Variants in ADGRL2 observed in about 807,000 individuals in gnomAD.
The protein encoded by ADGRL2 is adhesion G protein-coupled receptor L2.
A neutral mutation model predicts 157.4 loss-of-function variants in ADGRL2; 44 were observed. The ratio of observed to expected loss-of-function variants is 0.28; its 90% CI spans 0.22 to 0.36. The LOEUF (loss-of-function observed/expected upper bound fraction) is 0.36. Among genes scored for constraint, ADGRL2 ranks in the 10% least tolerant of loss-of-function variants. ADGRL2 has a pLI of 1.00. For synonymous variants in ADGRL2, 585 were observed against 624.7 expected, an observed-to-expected ratio of 0.94 and a Z score of 0.95; for missense variants, 1,510 against 1,768.9, an observed-to-expected ratio of 0.85 and a Z score of 2.63.
chr1:81,435,137 A>T (rs746217913), intron 1 of ADGRL2, among the ~76,000 whole-genome samples: 1 of 152,208 alleles, frequency 6.6e-6, no homozygotes, highest in African/African-American at 2.4e-5. Flanking sequence ...TTCCAAACAC[A>T]TTAAAAAATA....
chr1:81,889,854 G>A (rs1327133675), intron 2 of ADGRL2, among the ~76,000 whole-genome samples: 1 of 152,082 alleles, frequency 6.6e-6, no homozygotes, highest in Non-Finnish European at 1.5e-5. Flanking sequence ...AAATCCTTGG[G>A]CCATTAGGAA....
At chr1:81,590,734 A>C (rs1449272561) in intron 3 of ADGRL2, among the ~76,000 whole-genome samples, 2 of 151,872 alleles carry the variant, frequency 1.3e-5, no homozygotes, top group Non-Finnish European at 2.9e-5. Flanking sequence ...TTATTAGTTT[A>C]TTTCTTTCTC....
chr1:81,577,729 C>CA (rs2080824767), intron 2 of ADGRL2, among the ~76,000 whole-genome samples: 1 of 152,100 alleles, frequency 6.6e-6, no homozygotes, highest in South Asian at 2.1e-4. Flanking sequence ...AAGCACTAGG[C>CA]AAAAAATTCA....
intron 1 of ADGRL2, among the ~76,000 whole-genome samples, chr1:81,737,796 C>A (rs1180970637): frequency 6.6e-6 from 1 of 152,198 alleles, no homozygotes; most frequent in Non-Finnish European, 1.5e-5. Context: ...GTCATCCTGG[C>A]AAGTAGAACC....
chr1:81,414,558 G>T (rs551878867), intron 1 of ADGRL2, among the ~76,000 whole-genome samples: 2 of 152,316 alleles, frequency 1.3e-5, no homozygotes, highest in African/African-American at 4.8e-5. Flanking sequence ...AGGGAGGCTG[G>T]AAGGATGGCC....
At chr1:81,311,555 T>C (rs1005487017) in intron 1 of ADGRL2, among the ~76,000 whole-genome samples, 23 of 152,190 alleles carry the variant, frequency 1.5e-4, no homozygotes, top group Non-Finnish European at 2.5e-4. Flanking sequence ...AATATTTGAA[T>C]GGTTGATTGA....
intron 1 of ADGRL2, among the ~76,000 whole-genome samples, chr1:81,405,761 T>G (rs901117383): frequency 5.3e-5 from 8 of 152,126 alleles, no homozygotes; most frequent in African/African-American, 1.9e-4. Flanking sequence ...TTAAAATCAG[T>G]TGAACAGTCT....
At chr1:81,568,789 A>G (rs1007194290) in intron 2 of ADGRL2, among the ~76,000 whole-genome samples, 15 of 152,164 alleles carry the variant, frequency 9.9e-5, no homozygotes, top group African/African-American at 3.1e-4. Flanking sequence ...CCAAAAACTG[A>G]ATTATTCAAT....
chr1:81,742,234 A>G (rs2085095802), intron 1 of ADGRL2, among the ~76,000 whole-genome samples: 5 of 151,988 alleles, frequency 3.3e-5, no homozygotes, highest in Admixed American at 3.3e-4. Flanking sequence ...CTTTAAATCA[A>G]ATCTATAAAA....
intron 2 of ADGRL2, among the ~76,000 whole-genome samples, chr1:81,450,655 A>C (rs1033329568): frequency 2.9e-4 from 44 of 152,090 alleles, no homozygotes; most frequent in African/African-American, 9.1e-4. Flanking sequence ...GTTTTATTGC[A>C]TGTATGTACA....
intron 3 of ADGRL2, among the ~76,000 whole-genome samples, chr1:81,637,410 G>A (rs373848563): frequency 6.6e-6 from 1 of 152,054 alleles, no homozygotes; most frequent in Non-Finnish European, 1.5e-5. Flanking sequence ...AAGAGGATTC[G>A]AAACCATGTT....
intron 2 of ADGRL2, among the ~76,000 whole-genome samples, chr1:81,553,113 G>T (rs2080190959): frequency 6.6e-6 from 1 of 152,136 alleles, no homozygotes. Context: ...AGCTTAGCTG[G>T]AAGTTGTAAA....
At chr1:81,382,816 G>A (rs1407996754) in intron 1 of ADGRL2, among the ~76,000 whole-genome samples, 5 of 152,188 alleles carry the variant, frequency 3.3e-5, no homozygotes, top group Non-Finnish European at 7.4e-5. Context: ...AGTGTGTAGA[G>A]AGACACTCCA....
chr1:81,401,733 TA>T (rs1557661395), intron 1 of ADGRL2, among the ~76,000 whole-genome samples: 3 of 152,134 alleles, frequency 2.0e-5, no homozygotes, highest in Non-Finnish European at 4.4e-5. Flanking sequence ...CTGAAGTCAC[TA>T]AGCAGCATCT....
At chr1:81,710,452 G>C (rs484240) in intron 1 of ADGRL2, among the ~76,000 whole-genome samples, 111,823 of 151,048 alleles carry the variant, frequency 0.74, 41,975 homozygotes, top group Non-Finnish European at 0.78. Context: ...AACCTCATCT[G>C]TACTAAAAAT....
At chr1:81,630,879 A>G (rs1035306387) in intron 3 of ADGRL2, among the ~76,000 whole-genome samples, 1 of 152,204 alleles carries the variant, frequency 6.6e-6, no homozygotes, top group Non-Finnish European at 1.5e-5. Context: ...AAAGCCAACC[A>G]AGCAAAACAA....
intron 2 of ADGRL2, among the ~76,000 whole-genome samples, chr1:81,540,232 A>C (rs566363531): frequency 6.6e-6 from 1 of 152,296 alleles, no homozygotes; most frequent in South Asian, 2.1e-4. Context: ...CAATCTGTTC[A>C]TTGTAGGTGA....
intron 2 of ADGRL2, among the ~76,000 whole-genome samples, chr1:81,566,356 G>A (rs1241471929): frequency 6.6e-6 from 1 of 152,018 alleles, no homozygotes; most frequent in Non-Finnish European, 1.5e-5. Context: ...GAATCCAAAT[G>A]GCCTGTTCAT....
At chr1:81,946,494 CTT>C (rs1201958181) in intron 6 of ADGRL2, among the ~76,000 whole-genome samples, 6 of 152,072 alleles carry the variant, frequency 3.9e-5, no homozygotes, top group East Asian at 1.9e-4. Context: ...TGTTTTAACT[CTT>C]TTCCATTTCT....
Sources: allele counts gnomAD v4.1 joint callset (sites outside exome capture counted in the v4.1 genomes callset), GRCh38; gene constraint gnomAD v4.1.1; transcripts MANE v1.5; gene names NCBI Gene and HGNC (gene_info 2026-07-23, HGNC 2026-07-21).